The following STK32B variants were observed in gnomAD, a reference collection of about 807,000 sequenced individuals.
STK32B encodes serine/threonine-protein kinase 32B.
In STK32B, 43 loss-of-function variants were observed where a neutral mutation model predicts 52.6. The ratio of observed to expected loss-of-function variants is 0.82; its 90% confidence interval spans 0.64 to 1.05. STK32B has a LOEUF of 1.05. Among genes scored for constraint, STK32B ranks in the 50% least tolerant of loss-of-function variants. STK32B has a pLI of 0.00. For missense variants in STK32B, 621 were observed against 534.6 expected, an observed-to-expected ratio of 1.16 and a Z score of -1.59; for synonymous variants, 238 against 204.3, an observed-to-expected ratio of 1.17 and a Z score of -1.41.
intron 1 of STK32B, among the ~76,000 whole-genome samples, chr4:5,102,075 G>A (rs1319613261): frequency 6.6e-6 from 1 of 152,166 alleles, no homozygotes; most frequent in Non-Finnish European, 1.5e-5. Context: ...ATTGCTGTCA[G>A]CCCAGAGATA....
chr4:5,402,033 G>C (rs1737325282), intron 5 of STK32B, among the ~76,000 whole-genome samples: 1 of 152,200 alleles, frequency 6.6e-6, no homozygotes, highest in Admixed American at 6.5e-5. Flanking sequence ...CCTGCTCCTT[G>C]AGCTTATCCC....
At position 5,219,556 on chromosome 4, in the gene STK32B, C is replaced by T. The variant is rs1338581882; in HGVS notation, c.260+51106C>T. ...GAGGTTGAGAACTTCACCAGGGTCA[C>T]ACAGCAGTGAGTGAGTATCAGGACA... On this transcript the variant is annotated intron_variant, in intron 3 of 11. Coordinates refer to ENST00000282908, the MANE Select transcript of STK32B (RefSeq NM_018401.3). Among the ~76,000 whole-genome samples, 4 of 152,248 alleles carry T rather than the reference C, an allele frequency of 2.6e-5. No individual in the cohort carries two copies. The East Asian group carries it at 7.7e-4, about 29-fold the overall frequency.
At chr4:5,306,546 A>G (rs559150402) in intron 3 of STK32B, among the ~76,000 whole-genome samples, 5 of 152,096 alleles carry the variant, frequency 3.3e-5, no homozygotes, top group African/African-American at 1.2e-4. Context: ...GTGTCAGATG[A>G]TTGTCTTGAA....
At chr4:5,107,127 C>T (rs570676078) in intron 1 of STK32B, among the ~76,000 whole-genome samples, 1 of 152,114 alleles carries the variant, frequency 6.6e-6, no homozygotes, top group African/African-American at 2.4e-5. Flanking sequence ...ACATTAGCTC[C>T]GGCATTAGAT....
Position 5,317,859 on chromosome 4 carries a change from G to T in STK32B, c.261-13361G>T, listed in dbSNP as rs1455288629. Among the ~76,000 whole-genome samples, 2 of 152,062 alleles carry T rather than the reference G, an allele frequency of 1.3e-5. 1 individual carries two copies. The highest frequency in any genetic ancestry group is 2.9e-5 in the Non-Finnish European group (2 of 68,012). Reference sequence around the variant, plus strand: ...TGTTTTGGATAGAACTGTGAAAAATGTAGATCGGCACTTCTCAAAGTGCTG... The same window carrying T: ...TGTTTTGGATAGAACTGTGAAAAATTTAGATCGGCACTTCTCAAAGTGCTG... On this transcript the variant is annotated intron_variant, in intron 3 of 11. Transcript: ENST00000282908.
At chr4:5,355,564 T>C (rs1364872549) in intron 4 of STK32B, among the ~76,000 whole-genome samples, 1 of 152,208 alleles carries the variant, frequency 6.6e-6, no homozygotes, top group African/African-American at 2.4e-5. Flanking sequence ...CTTGACATTA[T>C]TGATATTTTG....
At chr4:5,450,845 A>G (rs1246331389) in intron 7 of STK32B, among the ~76,000 whole-genome samples, 2 of 152,082 alleles carry the variant, frequency 1.3e-5, no homozygotes, top group African/African-American at 2.4e-5. Context: ...GTCCTTCCCA[A>G]TTTAGCATCT....
rs1043932176 is a variant in STK32B at position 5,469,977 on chromosome 4, G to C, written c.1106+1907G>C. Among the ~76,000 whole-genome samples the C allele has an allele frequency of 6.6e-6, 1 of 152,156 alleles. No individual in the cohort carries two copies. Among genetic ancestry groups the C allele is most frequent in the African/African-American group, 2.4e-5 (1 of 41,440 alleles). On this transcript the variant is annotated intron_variant, in intron 11 of 11. Transcript: ENST00000282908. This position sits in a 1 kb window ranked among gnomAD's most constrained non-coding sequence, Gnocchi z 4.7. Reference sequence around the variant, plus strand: ...CAGGCAGCCTTCATTCTCTGTGTGTGGGCCGTGGAGTCCAATGAGAGCAGC... The same window carrying C: ...CAGGCAGCCTTCATTCTCTGTGTGTCGGCCGTGGAGTCCAATGAGAGCAGC...
At chr4:5,135,422 A>G (rs919609185) in intron 1 of STK32B, among the ~76,000 whole-genome samples, 7 of 152,302 alleles carry the variant, frequency 4.6e-5, no homozygotes, top group African/African-American at 1.4e-4. Flanking sequence ...TTGGCCTCTT[A>G]GTAAAATGAC....
At chr4:5,206,312 C>T (rs1235549736) in intron 3 of STK32B, among the ~76,000 whole-genome samples, 1 of 152,210 alleles carries the variant, frequency 6.6e-6, no homozygotes, top group African/African-American at 2.4e-5. Context: ...CTAGGACAGG[C>T]AGTGGCTTCC....
rs1737033933 is a variant in STK32B, at chr4:5,398,065, T to A, written c.435-142T>A. Reference sequence around the variant, plus strand: ...TGTCCCATTATCTTACCAATTATTCTCCCACTCCATGTCTGAGGCTTCAGG... The same window carrying A: ...TGTCCCATTATCTTACCAATTATTCACCCACTCCATGTCTGAGGCTTCAGG... On this transcript the variant is annotated intron_variant, in intron 4 of 11. Coordinates refer to ENST00000282908, the MANE Select transcript of STK32B (RefSeq NM_018401.3). This position sits in a 1 kb window ranked among gnomAD's most constrained non-coding sequence, Gnocchi z 4.9. The A allele has an allele frequency of 1.2e-5, 9 of 757,062 alleles. No homozygotes were observed. The highest frequency in any genetic ancestry group is 2.0e-5 in the Non-Finnish European group (9 of 458,804). 46.9% of individuals were successfully genotyped at this position (757,062 alleles called of 1,614,324 possible). A position where few individuals can be genotyped will look rare whatever the true frequency, so the allele number is the denominator to read the frequency against.
At chr4:5,085,114 C>T (rs1404288106) in intron 1 of STK32B, among the ~76,000 whole-genome samples, 1 of 152,100 alleles carries the variant, frequency 6.6e-6, no homozygotes, top group East Asian at 1.9e-4. Context: ...GGAAATCCTG[C>T]AGTATGGTTT....
the STK32B span, among the ~76,000 whole-genome samples, chr4:5,019,630 C>T: frequency 5.9e-5 from 9 of 152,210 alleles, no homozygotes; most frequent in African/African-American, 1.7e-4. Context: ...GACACGAAAG[C>T]CCCAGGTTAA....
chr4:5,345,051 A>T (rs1013324126), intron 4 of STK32B, among the ~76,000 whole-genome samples: 7 of 149,336 alleles, frequency 4.7e-5, no homozygotes, highest in East Asian at 2.0e-4. Context: ...AATATAATTA[A>T]AAAAAAAAAG....
intron 6 of STK32B, among the ~76,000 whole-genome samples, chr4:5,436,789 G>A (rs1714121149): frequency 6.6e-6 from 1 of 152,112 alleles, no homozygotes; most frequent in South Asian, 2.1e-4. Flanking sequence ...GGTACTACTG[G>A]GTGGTTGAGG....
intron 3 of STK32B, among the ~76,000 whole-genome samples, chr4:5,226,676 A>T (rs1723895960): frequency 6.6e-6 from 1 of 152,216 alleles, no homozygotes; most frequent in Admixed American, 6.5e-5. Context: ...GCCCCAAAGC[A>T]CAAGAGAAGT....
chr4:5,423,226 G>C (rs1712793912), intron 6 of STK32B, among the ~76,000 whole-genome samples: 1 of 152,096 alleles, frequency 6.6e-6, no homozygotes, highest in African/African-American at 2.4e-5. Flanking sequence ...GGATGGTCCA[G>C]GTGAAGTGTG....
intron 3 of STK32B, among the ~76,000 whole-genome samples, chr4:5,241,410 T>G (rs963230354): frequency 1.3e-5 from 2 of 152,178 alleles, no homozygotes; most frequent in African/African-American, 4.8e-5. Flanking sequence ...AAAAAGGTAT[T>G]TGTTGTTGGA....
chr4:5,145,777 C>G (rs1243473305), intron 2 of STK32B, among the ~76,000 whole-genome samples: 1 of 152,080 alleles, frequency 6.6e-6, no homozygotes, highest in African/African-American at 2.4e-5. Flanking sequence ...CTGTTTTCAA[C>G]CAGACTGGTT....
Sources: gnomAD v4.1 joint callset for allele counts (sites outside exome capture counted in the v4.1 genomes callset) on GRCh38, gnomAD v4.1.1 for gene constraint, Gnocchi (gnomAD v3.1) non-coding constraint, MANE v1.5 for transcripts, NCBI Gene and HGNC (gene_info 2026-07-23, HGNC 2026-07-21) for gene names.